VPS45: variants seen among roughly 807,000 people sequenced by gnomAD.
VPS45 encodes vacuolar protein sorting 45 homolog.
VPS45 carries 35 observed loss-of-function variants against 75.9 expected under a neutral mutation model. The ratio of observed to expected loss-of-function variants is 0.46; its 90% confidence interval spans 0.35 to 0.61. The LOEUF is 0.61. VPS45 is among the 20% of genes least tolerant of loss of function. The pLI is 0.00. For synonymous variants in VPS45, 220 were observed against 238.2 expected (o/e 0.92, Z 0.70); for missense variants, 559 against 685.9 (o/e 0.81, Z 2.07).
chr1:150,110,251 C>G (rs1377064410), intron 13 of VPS45: 14 of 386,266 alleles, frequency 3.6e-5, no homozygotes, highest in South Asian at 1.9e-4. Context: ...ATTCTGAAAT[C>G]CACAGCACAG....
intron 13 of VPS45, among the ~76,000 whole-genome samples, chr1:150,104,549 A>G (rs72694918): frequency 0.15 from 22,889 of 152,082 alleles, 1,880 homozygotes; most frequent in African/African-American, 0.17. Flanking sequence ...TTTCTGGGTC[A>G]AATGGTAAGT....
intron 13 of VPS45, among the ~76,000 whole-genome samples, chr1:150,096,094 A>T (rs1656633943): frequency 1.3e-5 from 2 of 152,226 alleles, no homozygotes; most frequent in Admixed American, 6.5e-5. Flanking sequence ...AGTCAAGAAT[A>T]ACTCTCAGGC....
At chr1:150,091,881 G>A in intron 10 of VPS45, 56 bp from the exon 11 acceptor site, 1 of 1,539,860 alleles carries the variant, frequency 6.5e-7, no homozygotes, top group Non-Finnish European at 8.9e-7. Flanking sequence ...CTAAGGCATT[G>A]TACAACAGAT....
chr1:150,140,136 T>G (rs782415574), intron 14 of VPS45, among the ~76,000 whole-genome samples: 6 of 152,098 alleles, frequency 3.9e-5, no homozygotes, highest in Non-Finnish European at 7.4e-5. Context: ...TCAAGTGACC[T>G]CAAGTGATCC....
chr1:150,097,196 C>T (rs138572255), intron 13 of VPS45, among the ~76,000 whole-genome samples: 3,238 of 151,336 alleles, frequency 0.021, 96 homozygotes, highest in African/African-American at 0.074. Context: ...CAAGATTCTC[C>T]TGCCTCAGCC....
intron 14 of VPS45, among the ~76,000 whole-genome samples, chr1:150,140,705 G>A (rs1553815088): frequency 6.6e-6 from 1 of 152,114 alleles, no homozygotes; most frequent in East Asian, 1.9e-4. Context: ...GATAAGGAGG[G>A]TCAAGGAAGA....
intron 14 of VPS45, among the ~76,000 whole-genome samples, chr1:150,113,276 G>C (rs1657745006): frequency 6.6e-6 from 1 of 151,844 alleles, no homozygotes; most frequent in South Asian, 2.1e-4. Flanking sequence ...AATTCTTAGG[G>C]AATTAGGAGC....
chr1:150,108,151 T>C (rs3925724), intron 13 of VPS45, among the ~76,000 whole-genome samples: 35,939 of 152,116 alleles, frequency 0.24, 5,913 homozygotes, highest in African/African-American at 0.47. Context: ...GGATTTAAAA[T>C]GTGTTGAATT....
rs782039324 is a variant in VPS45, at chr1:150,074,955, CTTTTTTT to C, written c.290-1260_290-1254del. On this transcript the variant is annotated intron_variant, in intron 3 of 14. Coordinates refer to ENST00000644510, the MANE Select transcript of VPS45 (RefSeq NM_007259.5). ...TAAAAGTGAAAAATAATTATTTATT[CTTTTTTT>C]TTTTTTTTTTTTTTTTTGAGACACA... Among the ~76,000 whole-genome samples, 197 of 81,120 alleles carry C rather than the reference CTTTTTTT, an allele frequency of 2.4e-3. 2 individuals carry two copies. The highest frequency in any genetic ancestry group is 0.01 in the African/African-American group (188 of 18,348). The allele number at this position is 81,120 out of a possible 152,430, so 53.2% of individuals were successfully genotyped here. A position where few individuals can be genotyped will look rare whatever the true frequency, so the allele number is the denominator to read the frequency against.
intron 14 of VPS45, among the ~76,000 whole-genome samples, chr1:150,124,765 G>A (rs1248393979): frequency 1.4e-4 from 20 of 147,898 alleles, no homozygotes; most frequent in Non-Finnish European, 8.9e-5. Flanking sequence ...CACCATGTTG[G>A]CCAGGCTGGT....
At chr1:150,130,503 T>C (rs1174277566) in intron 14 of VPS45, among the ~76,000 whole-genome samples, 4 of 152,160 alleles carry the variant, frequency 2.6e-5, no homozygotes, top group African/African-American at 9.7e-5. Flanking sequence ...AGCCCACATA[T>C]ATTTTTAAAT....
intron 13 of VPS45, among the ~76,000 whole-genome samples, chr1:150,104,306 C>A (rs1303222587): frequency 6.6e-6 from 1 of 152,128 alleles, no homozygotes; most frequent in Admixed American, 6.5e-5. Context: ...CAGATAATGG[C>A]CTCTTGCTCC....
intron 14 of VPS45, among the ~76,000 whole-genome samples, chr1:150,125,089 C>G (rs1553810442): frequency 6.6e-6 from 1 of 151,138 alleles, no homozygotes; most frequent in Non-Finnish European, 1.5e-5. Context: ...CCAGCATATT[C>G]AGCTGCAAGT....
chr1:150,120,592 A>T (rs1571895416), intron 14 of VPS45, among the ~76,000 whole-genome samples: 1 of 152,338 alleles, frequency 6.6e-6, no homozygotes, highest in African/African-American at 2.4e-5. Context: ...AAGTTATCTT[A>T]AAGTGGCTCT....
At chr1:150,081,279 C>T in intron 7 of VPS45, 63 bp from the exon 8 acceptor site, 17 of 1,479,992 alleles carry the variant, frequency 1.1e-5, no homozygotes, top group Non-Finnish European at 1.5e-5. Context: ...TATTTGTTTT[C>T]CTGAACGTTT....
chr1:150,082,638 C>T (rs1655781392), intron 9 of VPS45, 78 bp from the exon 10 acceptor site: 2 of 1,517,746 alleles, frequency 1.3e-6, no homozygotes, highest in African/African-American at 1.4e-5. Flanking sequence ...CCCCCGCTTT[C>T]CCCAACCCCC....
At chr1:150,115,607 G>T (rs782767157) in intron 14 of VPS45, among the ~76,000 whole-genome samples, 8 of 152,242 alleles carry the variant, frequency 5.3e-5, no homozygotes, top group Non-Finnish European at 1.0e-4. Flanking sequence ...CACCCGTGAG[G>T]AGCTGACATT....
intron 7 of VPS45, among the ~76,000 whole-genome samples, chr1:150,079,984 G>A (rs587624566): frequency 2.6e-5 from 4 of 152,186 alleles, no homozygotes; most frequent in South Asian, 2.1e-4. Flanking sequence ...TTTGTGCCAC[G>A]TACTAAACTA....
chr1:150,117,351 A>G (rs943840081), intron 14 of VPS45, among the ~76,000 whole-genome samples: 8 of 150,098 alleles, frequency 5.3e-5, no homozygotes, highest in Non-Finnish European at 1.2e-4. Flanking sequence ...GGGAAACCCC[A>G]TCTCTACTAA....
Sources: allele counts gnomAD v4.1 joint callset (sites outside exome capture counted in the v4.1 genomes callset), GRCh38; gene constraint gnomAD v4.1.1; transcripts MANE v1.5; gene names NCBI Gene and HGNC (gene_info 2026-07-23, HGNC 2026-07-21).